ZBTB20: variants seen among roughly 807,000 people sequenced by gnomAD.
ZBTB20 encodes the protein zinc finger and BTB domain containing 20.
A neutral mutation model predicts 56.9 loss-of-function variants in ZBTB20; 9 were observed. The ratio of observed to expected loss-of-function variants is 0.16; its 90% CI spans 0.10 to 0.28. ZBTB20 has a LOEUF of 0.28. ZBTB20 is among the 10% of genes least tolerant of loss of function. The pLI is 1.00. For missense variants in ZBTB20, 655 were observed against 1,003.0 expected (o/e 0.65, Z 4.69); for synonymous variants, 417 against 420.7 (o/e 0.99, Z 0.11).
At chr3:114,557,828 G>A (rs2051447189) in intron 6 of ZBTB20, among the ~76,000 whole-genome samples, 1 of 152,002 alleles carries the variant, frequency 6.6e-6, no homozygotes, top group African/African-American at 2.4e-5. Context: ...GTGAAAATAA[G>A]TGGTATATAA....
intron 10 of ZBTB20, among the ~76,000 whole-genome samples, chr3:114,355,464 T>G (rs1293715773): frequency 1.3e-5 from 2 of 152,344 alleles, no homozygotes; most frequent in African/African-American, 4.8e-5. Flanking sequence ...TTTGCTGATA[T>G]GAGTACAGAT....
intron 7 of ZBTB20, among the ~76,000 whole-genome samples, chr3:114,457,017 C>T (rs1278292409): frequency 1.3e-5 from 2 of 152,200 alleles, no homozygotes; most frequent in African/African-American, 4.8e-5. Context: ...CTATGCCATG[C>T]CTAAAACACA....
At chr3:114,449,187 T>C (rs577200660) in intron 7 of ZBTB20, among the ~76,000 whole-genome samples, 15 of 152,298 alleles carry the variant, frequency 9.8e-5, no homozygotes, top group African/African-American at 3.6e-4. Context: ...TGTAAAATAA[T>C]CCATTTGCAT....
At chr3:114,412,769 C>T (rs2088103344) in intron 7 of ZBTB20, among the ~76,000 whole-genome samples, 1 of 152,132 alleles carries the variant, frequency 6.6e-6, no homozygotes, top group Non-Finnish European at 1.5e-5. Flanking sequence ...GCTCAGAAAA[C>T]ATCGCCTTCT....
intron 3 of ZBTB20, among the ~76,000 whole-genome samples, chr3:114,963,253 C>T (rs544292526): frequency 2.0e-5 from 3 of 152,084 alleles, no homozygotes; most frequent in Non-Finnish European, 4.4e-5. Flanking sequence ...TAACAGTTTA[C>T]AGTCAATATT....
chr3:115,125,768 G>T (rs1396521097), intron 1 of ZBTB20, among the ~76,000 whole-genome samples: 1 of 152,100 alleles, frequency 6.6e-6, no homozygotes, highest in Non-Finnish European at 1.5e-5. Context: ...ACTTGATTTA[G>T]CCATTTCATA....
At chr3:115,037,947 A>G (rs1037863586) in intron 2 of ZBTB20, among the ~76,000 whole-genome samples, 1 of 152,218 alleles carries the variant, frequency 6.6e-6, no homozygotes, top group African/African-American at 2.4e-5. Context: ...TTAATTTCCA[A>G]ATACCACAAA....
intron 5 of ZBTB20, among the ~76,000 whole-genome samples, chr3:114,754,281 A>G (rs967973486): frequency 2.0e-5 from 3 of 152,132 alleles, no homozygotes; most frequent in African/African-American, 7.2e-5. Context: ...ATTCACTCAC[A>G]CACATTTCTC....
chr3:114,905,098 A>C (rs2075272675), intron 3 of ZBTB20, among the ~76,000 whole-genome samples: 1 of 151,974 alleles, frequency 6.6e-6, no homozygotes. Flanking sequence ...AGTGTTAATA[A>C]TTCTAATTGT....
intron 4 of ZBTB20, among the ~76,000 whole-genome samples, chr3:114,810,245 T>C (rs988038149): frequency 1.3e-5 from 2 of 152,220 alleles, no homozygotes; most frequent in East Asian, 1.9e-4. Flanking sequence ...TAGGAATATG[T>C]GGTAGCTTAC....
intron 6 of ZBTB20, among the ~76,000 whole-genome samples, chr3:114,688,953 A>G (rs886525839): frequency 1.3e-5 from 2 of 152,184 alleles, no homozygotes; most frequent in Non-Finnish European, 2.9e-5. Context: ...ACCAATCCAC[A>G]TAAGATAAGA....
At chr3:114,367,780 G>A (rs1388847564) in intron 10 of ZBTB20, among the ~76,000 whole-genome samples, 3 of 150,376 alleles carry the variant, frequency 2.0e-5, no homozygotes, top group Non-Finnish European at 3.0e-5. Flanking sequence ...TCATTTTTAG[G>A]AAAAAAAAAC....
chr3:114,603,424 C>T (rs2056909709), intron 6 of ZBTB20, among the ~76,000 whole-genome samples: 1 of 151,882 alleles, frequency 6.6e-6, no homozygotes, highest in Admixed American at 6.6e-5. Flanking sequence ...CAATGAACCA[C>T]ATCTTTCAAT....
intron 4 of ZBTB20, among the ~76,000 whole-genome samples, chr3:114,863,025 A>C (rs1232511238): frequency 6.6e-6 from 1 of 152,120 alleles, no homozygotes; most frequent in Non-Finnish European, 1.5e-5. Flanking sequence ...TAAGAGGAAA[A>C]TATCTTCATA....
chr3:114,639,094 C>T (rs190237202), intron 6 of ZBTB20, among the ~76,000 whole-genome samples: 1 of 152,156 alleles, frequency 6.6e-6, no homozygotes. Context: ...AGGTTTGAAC[C>T]CATGACTTAG....
At chr3:115,083,078 T>G (rs989343541) in intron 1 of ZBTB20, among the ~76,000 whole-genome samples, 2 of 152,016 alleles carry the variant, frequency 1.3e-5, no homozygotes, top group Admixed American at 6.6e-5. Context: ...TCAAGGTAAA[T>G]GCAAAAACCA....
chr3:114,859,925 A>G (rs1385232936), intron 4 of ZBTB20, among the ~76,000 whole-genome samples: 1 of 152,158 alleles, frequency 6.6e-6, no homozygotes, highest in African/African-American at 2.4e-5. Context: ...AGAATAAATG[A>G]CTAACCCAAT....
intron 4 of ZBTB20, among the ~76,000 whole-genome samples, chr3:114,847,862 C>T (rs1533931): frequency 0.57 from 86,472 of 151,968 alleles, 28,049 homozygotes; most frequent in East Asian, 0.8. Context: ...TGACTGAATG[C>T]GTGGCTCACT....
intron 6 of ZBTB20, among the ~76,000 whole-genome samples, chr3:114,557,836 T>C (rs191028266): frequency 6.6e-6 from 1 of 152,064 alleles, no homozygotes; most frequent in African/African-American, 2.4e-5. Flanking sequence ...AAGTGGTATA[T>C]AAGCTAAAAT....
Sources: allele counts gnomAD v4.1 joint callset (sites outside exome capture counted in the v4.1 genomes callset), GRCh38; gene constraint gnomAD v4.1.1; transcripts MANE v1.5; gene names NCBI Gene and HGNC (gene_info 2026-07-23, HGNC 2026-07-21).